Variants in CDYL observed in about 807,000 individuals in gnomAD.
The protein encoded by CDYL is chromodomain Y-like protein.
CDYL carries 8 observed loss-of-function variants against 47.3 expected under a neutral mutation model. That is an observed-to-expected ratio of 0.17 (90% confidence interval 0.10 to 0.31). The LOEUF (loss-of-function observed/expected upper bound fraction) is 0.31. Ranked by LOEUF, CDYL falls within the 10% of genes least tolerant of loss-of-function variation. The pLI is 1.00. For synonymous variants in CDYL, 266 were observed against 265.0 expected, an observed-to-expected ratio of 1.00 and a Z score of -0.04; for missense variants, 471 against 701.4, an observed-to-expected ratio of 0.67 and a Z score of 3.71.
At chr6:4,859,736 G>A (rs1189241715) in intron 1 of CDYL, among the ~76,000 whole-genome samples, 1 of 152,028 alleles carries the variant, frequency 6.6e-6, no homozygotes, top group African/African-American at 2.4e-5. Flanking sequence ...GGTGAATAAG[G>A]GCATCTGTTT....
At chr6:4,720,155 C>T (rs1757341701) in intron 2 of CDYL, among the ~76,000 whole-genome samples, 2 of 152,194 alleles carry the variant, frequency 1.3e-5, no homozygotes, top group South Asian at 4.1e-4. Flanking sequence ...CATGTCCTCA[C>T]ATTTCTCTGA....
chr6:4,758,370 A>ATATATATATATATATC (rs140149693), intron 3 of CDYL, among the ~76,000 whole-genome samples: 11 of 137,756 alleles, frequency 8.0e-5, no homozygotes, highest in South Asian at 2.3e-4. Context: ...ATATATATAT[A>ATATATATATATATATC]TCTCTTTGTG....
intron 2 of CDYL, among the ~76,000 whole-genome samples, chr6:4,913,245 C>T (rs1385266335): frequency 6.6e-6 from 1 of 152,178 alleles, no homozygotes; most frequent in African/African-American, 2.4e-5. Flanking sequence ...ATTTTATTAA[C>T]ACTCTTCCTT....
chr6:4,801,848 T>C (rs1252333006), intron 1 of CDYL, among the ~76,000 whole-genome samples: 2 of 152,234 alleles, frequency 1.3e-5, no homozygotes, highest in African/African-American at 2.4e-5. Context: ...CATGTTACTC[T>C]TTTTTAAAAA....
At chr6:4,778,325 T>A (rs1758524207) in intron 1 of CDYL, among the ~76,000 whole-genome samples, 1 of 152,242 alleles carries the variant, frequency 6.6e-6, no homozygotes, top group Non-Finnish European at 1.5e-5. Flanking sequence ...CATCAGTGGA[T>A]GAGAGTAGCA....
chr6:4,892,496 G>A (rs1052975815), intron 2 of CDYL, 117 bp downstream of exon 2: 5 of 1,085,126 alleles, frequency 4.6e-6, no homozygotes, highest in Non-Finnish European at 6.5e-6. Flanking sequence ...ATCTGCTGGA[G>A]CCTTGCAGAG....
In CDYL at chr6:4,891,973, T is replaced by C; in HGVS notation, c.285T>C (p.Ser95=). 1 of 1,614,074 alleles carries C rather than the reference T, an allele frequency of 6.2e-7. No homozygotes were observed. The highest frequency in any genetic ancestry group is 8.5e-7 in the Non-Finnish European group (1 of 1,180,012). ...RSTNSNFSKT[S]PKALVIGKDH... is the part of the protein sequence containing the mutation. ...CCAACAGCAACTTTTCTAAGACCTC[T>C]CCTAAGGCACTCGTGATTGGGAAAG... is the stretch of plus-strand genomic sequence containing the variant. The change falls in exon 2 of 7, where the codon TCT becomes TCC. Residue 95 remains serine, a synonymous_variant. Coordinates refer to ENST00000397588, the MANE Select transcript of CDYL (RefSeq NM_004824.4).
At chr6:4,767,356 C>T (rs1365982594) in intron 3 of CDYL, among the ~76,000 whole-genome samples, 2 of 151,966 alleles carry the variant, frequency 1.3e-5, no homozygotes, top group Non-Finnish European at 1.5e-5. Flanking sequence ...AGGTGGATCA[C>T]GAGCTCAGGA....
At chr6:4,845,191 T>G (rs1167129817) in intron 1 of CDYL, among the ~76,000 whole-genome samples, 1 of 152,220 alleles carries the variant, frequency 6.6e-6, no homozygotes, top group Non-Finnish European at 1.5e-5. Context: ...TGCCAAAAGG[T>G]TCAAAAGCTG....
Position 4,812,816 on chromosome 6 carries a change from T to G in CDYL, c.24+36009T>G, listed in dbSNP as rs532717994. Among the ~76,000 whole-genome samples, 4 of 152,316 alleles carry G rather than the reference T, an allele frequency of 2.6e-5. No individual in the cohort carries two copies. The East Asian group carries it at 7.7e-4, about 29-fold the overall frequency. On this transcript the variant is annotated intron_variant, in intron 1 of 6. Coordinates refer to ENST00000397588, the MANE Select transcript of CDYL (RefSeq NM_004824.4). ...AGTGTTGAGCCTTCTGATACTCATC[T>G]CTGAACATGGTATTTCTCCCAATTT... is the stretch of plus-strand genomic sequence containing the variant.
chr6:4,830,774 C>G (rs1340423506), intron 1 of CDYL, among the ~76,000 whole-genome samples: 1 of 124,052 alleles, frequency 8.1e-6, no homozygotes, highest in Non-Finnish European at 1.6e-5. Flanking sequence ...CCACAACAGG[C>G]CCCAGAGTGT....
At chr6:4,789,264 C>T (rs1273328991) in intron 1 of CDYL, among the ~76,000 whole-genome samples, 8 of 152,000 alleles carry the variant, frequency 5.3e-5, no homozygotes, top group South Asian at 2.1e-4. Context: ...TTAGTAGATA[C>T]GGGGTTTCGC....
intron 1 of CDYL, among the ~76,000 whole-genome samples, chr6:4,878,259 G>C (rs1761669972): frequency 2.0e-5 from 3 of 151,950 alleles, no homozygotes. Flanking sequence ...ATAAAGCAAA[G>C]TAGGAAATAG....
At chr6:4,874,127 T>TA (rs1690028727) in intron 1 of CDYL, among the ~76,000 whole-genome samples, 1 of 152,140 alleles carries the variant, frequency 6.6e-6, no homozygotes, top group Non-Finnish European at 1.5e-5. Context: ...CTGTAAGCCT[T>TA]ACAGACAGAA....
intron 1 of CDYL, among the ~76,000 whole-genome samples, chr6:4,870,237 G>A (rs1761436095): frequency 6.6e-6 from 1 of 152,114 alleles, no homozygotes; most frequent in South Asian, 2.1e-4. Flanking sequence ...GTGCCACTGT[G>A]CCTAGCCTTG....
intron 3 of CDYL, among the ~76,000 whole-genome samples, chr6:4,936,825 A>T (rs1009334877): frequency 1.3e-5 from 2 of 151,386 alleles, no homozygotes; most frequent in African/African-American, 4.9e-5. Context: ...GCCTTATCTA[A>T]GAGCCGCAAT....
chr6:4,921,501 C>T (rs893068185), intron 2 of CDYL, among the ~76,000 whole-genome samples: 20 of 152,318 alleles, frequency 1.3e-4, no homozygotes, highest in African/African-American at 4.3e-4. Context: ...TAAGCTGGCT[C>T]GGAACACATT....
At chr6:4,898,859 C>G (rs1453295421) in intron 2 of CDYL, among the ~76,000 whole-genome samples, 3 of 152,164 alleles carry the variant, frequency 2.0e-5, no homozygotes, top group Non-Finnish European at 4.4e-5. Context: ...GATGTCGAAC[C>G]AAGGCCCTTT....
intron 1 of CDYL, among the ~76,000 whole-genome samples, chr6:4,841,889 C>T (rs1211418479): frequency 1.3e-5 from 2 of 150,376 alleles, no homozygotes; most frequent in Admixed American, 6.6e-5. Context: ...ATAAAATGTT[C>T]TATAAATATC....
Sources: allele counts gnomAD v4.1 joint callset (sites outside exome capture counted in the v4.1 genomes callset), GRCh38; gene constraint gnomAD v4.1.1; transcripts MANE v1.5; gene names NCBI Gene and HGNC (gene_info 2026-07-23, HGNC 2026-07-21).